Variants in ARL15 observed in about 807,000 individuals in gnomAD.
ARL15 encodes the protein ADP-ribosylation factor-like protein 15.
A neutral mutation model predicts 25.2 loss-of-function variants in ARL15; 19 were observed. The observed-to-expected ratio is 0.75, with a 90% CI of 0.53 to 1.10. The LOEUF is 1.10. ARL15 is among the 50% of genes least tolerant of loss of function. The pLI, the probability that ARL15 is intolerant of heterozygous loss-of-function variation, is 0.00. For missense variants in ARL15, 220 were observed against 246.0 expected (o/e 0.89, Z 0.71); for synonymous variants, 94 against 86.8 (o/e 1.08, Z -0.46).
chr5:54,147,193 C>A (rs576337080), intron 3 of ARL15, among the ~76,000 whole-genome samples: 1 of 152,024 alleles, frequency 6.6e-6, no homozygotes, highest in African/African-American at 2.4e-5. Flanking sequence ...TGTTCTCATT[C>A]CAAAAAGGCC....
chr5:53,888,842 G>A (rs1001857025), intron 4 of ARL15, among the ~76,000 whole-genome samples: 2 of 152,248 alleles, frequency 1.3e-5, no homozygotes, highest in Admixed American at 1.3e-4. Context: ...GGAGGTGGGG[G>A]CTGCTCCAAA....
At chr5:54,251,337 A>G (rs1018199278) in intron 1 of ARL15, among the ~76,000 whole-genome samples, 1 of 152,156 alleles carries the variant, frequency 6.6e-6, no homozygotes, top group African/African-American at 2.4e-5. Flanking sequence ...TTTTCATTTA[A>G]TTTTCCCACT....
chr5:54,170,148 C>T (rs1319093295), intron 2 of ARL15, among the ~76,000 whole-genome samples: 2 of 152,166 alleles, frequency 1.3e-5, no homozygotes, highest in African/African-American at 4.8e-5. Context: ...GGAATTGAGA[C>T]AGCCATGGCT....
At chr5:54,165,709 C>T (rs919655227) in intron 2 of ARL15, among the ~76,000 whole-genome samples, 1 of 147,990 alleles carries the variant, frequency 6.8e-6, no homozygotes, top group African/African-American at 2.5e-5. Flanking sequence ...TGTATAGGTG[C>T]ATGTATGGAT....
intron 1 of ARL15, 82 bp downstream of exon 1, chr5:54,310,349 CA>C: frequency 2.0e-6 from 3 of 1,474,564 alleles, no homozygotes; most frequent in Non-Finnish European, 2.8e-6. Context: ...AGAAAGAAAG[CA>C]AAAAGGCTGC....
At chr5:54,052,317 T>C (rs1322479797) in intron 4 of ARL15, among the ~76,000 whole-genome samples, 9 of 152,268 alleles carry the variant, frequency 5.9e-5, no homozygotes, top group African/African-American at 2.2e-4. Flanking sequence ...AAGCCTAGCA[T>C]GAAATGCAAT....
intron 4 of ARL15, among the ~76,000 whole-genome samples, chr5:53,973,970 T>TA (rs565810545): frequency 6.8e-4 from 101 of 149,480 alleles, no homozygotes; most frequent in Middle Eastern, 3.4e-3. Flanking sequence ...GCCCTGTCAT[T>TA]AAAAAAAAAC....
chr5:54,034,896 T>C (rs1366640172), intron 4 of ARL15, among the ~76,000 whole-genome samples: 1 of 151,838 alleles, frequency 6.6e-6, no homozygotes, highest in Non-Finnish European at 1.5e-5. Context: ...CTTGAACTCC[T>C]GGCCTCAAGC....
intron 4 of ARL15, among the ~76,000 whole-genome samples, chr5:53,983,762 G>A (rs1437479868): frequency 2.0e-5 from 3 of 152,130 alleles, no homozygotes; most frequent in African/African-American, 7.2e-5. Flanking sequence ...GAAAATAGAC[G>A]GAAGAAACCC....
chr5:54,197,455 T>G (rs1244498922), intron 1 of ARL15, among the ~76,000 whole-genome samples: 1 of 152,104 alleles, frequency 6.6e-6, no homozygotes, highest in Non-Finnish European at 1.5e-5. Context: ...TTTACCTGCC[T>G]ACATTTCTTA....
chr5:54,182,841 G>A (rs1342777417), intron 1 of ARL15, among the ~76,000 whole-genome samples: 1 of 151,704 alleles, frequency 6.6e-6, no homozygotes, highest in African/African-American at 2.4e-5. Context: ...GTGGTTTGTA[G>A]TTCTCCTTGA....
intron 1 of ARL15, among the ~76,000 whole-genome samples, chr5:54,175,229 A>G (rs1754832613): frequency 6.6e-6 from 1 of 152,016 alleles, no homozygotes; most frequent in Non-Finnish European, 1.5e-5. Flanking sequence ...ATTAATATCT[A>G]TTTTACCTGT....
At chr5:54,081,665 A>T (rs1190428774) in intron 4 of ARL15, among the ~76,000 whole-genome samples, 3 of 152,118 alleles carry the variant, frequency 2.0e-5, no homozygotes, top group African/African-American at 7.2e-5. Flanking sequence ...CCTTGTGAAG[A>T]AGGTGCCTTG....
chr5:54,084,599 A>C (rs946880450), intron 4 of ARL15, among the ~76,000 whole-genome samples: 1 of 152,102 alleles, frequency 6.6e-6, no homozygotes, highest in African/African-American at 2.4e-5. Context: ...CGACCCCCAG[A>C]TGCACAAAGT....
At chr5:53,899,347 CAAAAAA>C (rs59145507) in intron 4 of ARL15, among the ~76,000 whole-genome samples, 19 of 89,354 alleles carry the variant, frequency 2.1e-4, no homozygotes, top group African/African-American at 9.8e-4. Flanking sequence ...GACTCTATCC[CAAAAAA>C]AAAAAAAAAA....
intron 1 of ARL15, among the ~76,000 whole-genome samples, chr5:54,303,212 A>G (rs1579995417): frequency 1.3e-5 from 2 of 152,210 alleles, no homozygotes; most frequent in South Asian, 2.1e-4. Flanking sequence ...AACATAGCAC[A>G]GTCTCAGTAC....
intron 4 of ARL15, among the ~76,000 whole-genome samples, chr5:53,996,756 G>A (rs554977312): frequency 2.3e-4 from 35 of 152,184 alleles, no homozygotes; most frequent in African/African-American, 7.9e-4. Flanking sequence ...AAGTCCCCTA[G>A]GTAGGAATGG....
chr5:53,937,922 A>G (rs781430759), intron 4 of ARL15, among the ~76,000 whole-genome samples: 26 of 152,094 alleles, frequency 1.7e-4, no homozygotes, highest in Non-Finnish European at 3.7e-4. Flanking sequence ...GTTTAACCAT[A>G]ATATCATCAC....
chr5:53,927,916 A>G (rs1746081775), intron 4 of ARL15, among the ~76,000 whole-genome samples: 1 of 151,978 alleles, frequency 6.6e-6, no homozygotes, highest in Admixed American at 6.6e-5. Context: ...TCCCTTAACC[A>G]CCCCGGGCTT....
Sources: allele counts gnomAD v4.1 joint callset (sites outside exome capture counted in the v4.1 genomes callset), GRCh38; gene constraint gnomAD v4.1.1; transcripts MANE v1.5; gene names NCBI Gene and HGNC (gene_info 2026-07-23, HGNC 2026-07-21).